LRRTM4: variants seen among roughly 807,000 people sequenced by gnomAD.
LRRTM4 encodes leucine rich repeat transmembrane neuronal 4, also known as leucine-rich repeat transmembrane neuronal protein 4.
A neutral mutation model predicts 47.6 loss-of-function variants in LRRTM4; 25 were observed. The ratio of observed to expected loss-of-function variants is 0.53; its 90% CI spans 0.38 to 0.73. LRRTM4 has a LOEUF of 0.73. Among genes scored for constraint, LRRTM4 ranks in the 30% least tolerant of loss-of-function variants. The probability of loss-of-function intolerance (pLI) is 0.00; values close to 1 mark genes in which losing one functional copy is unlikely to be tolerated. For missense variants in LRRTM4, 638 were observed against 713.4 expected, an observed-to-expected ratio of 0.89 and a Z score of 1.20; for synonymous variants, 311 against 269.5, an observed-to-expected ratio of 1.15 and a Z score of -1.51.
At chr2:77,280,422 G>A (rs1296853467) in intron 3 of LRRTM4, among the ~76,000 whole-genome samples, 1 of 152,022 alleles carries the variant, frequency 6.6e-6, no homozygotes, top group Non-Finnish European at 1.5e-5. Context: ...AATAGTTATA[G>A]AAAACAAATG....
At chr2:76,953,476 G>A (rs112135148) in intron 3 of LRRTM4, among the ~76,000 whole-genome samples, 12 of 151,746 alleles carry the variant, frequency 7.9e-5, no homozygotes, top group East Asian at 2.0e-4. Context: ...AAACACACGC[G>A]CACACACACA....
intron 3 of LRRTM4, among the ~76,000 whole-genome samples, chr2:77,015,625 A>G (rs965802847): frequency 1.3e-5 from 2 of 151,312 alleles, no homozygotes; most frequent in African/African-American, 2.4e-5. Flanking sequence ...TGCCCGGCGG[A>G]AGTTTTACTT....
chr2:76,794,381 A>G (rs1335327291), intron 3 of LRRTM4, among the ~76,000 whole-genome samples: 1 of 152,204 alleles, frequency 6.6e-6, no homozygotes, highest in Non-Finnish European at 1.5e-5. Context: ...TGGGTATACC[A>G]CTACAGTCCC....
intron 3 of LRRTM4, among the ~76,000 whole-genome samples, chr2:77,350,218 C>T (rs1298180240): frequency 1.3e-5 from 2 of 148,290 alleles, no homozygotes; most frequent in African/African-American, 4.9e-5. Context: ...CCCAGCTACT[C>T]GGGAGGCTGA....
chr2:77,273,236 A>G (rs1250112685), intron 3 of LRRTM4, among the ~76,000 whole-genome samples: 3 of 152,174 alleles, frequency 2.0e-5, no homozygotes, highest in Non-Finnish European at 4.4e-5. Flanking sequence ...TGTTAAATAG[A>G]TAATGCTATT....
intron 3 of LRRTM4, among the ~76,000 whole-genome samples, chr2:77,113,675 G>T (rs1399858400): frequency 6.6e-6 from 1 of 152,012 alleles, no homozygotes; most frequent in Non-Finnish European, 1.5e-5. Context: ...AAGTGCACTG[G>T]TGATTACTGG....
At chr2:77,367,350 A>G (rs1672500827) in intron 3 of LRRTM4, among the ~76,000 whole-genome samples, 2 of 151,514 alleles carry the variant, frequency 1.3e-5, no homozygotes, top group Non-Finnish European at 3.0e-5. Context: ...ATTTTTTTTC[A>G]TGATTACAAC....
At chr2:77,007,958 G>A (rs953317718) in intron 3 of LRRTM4, among the ~76,000 whole-genome samples, 9 of 152,112 alleles carry the variant, frequency 5.9e-5, no homozygotes, top group Non-Finnish European at 8.8e-5. Flanking sequence ...GTCATTCACT[G>A]AAAATGCACA....
intron 3 of LRRTM4, among the ~76,000 whole-genome samples, chr2:76,936,073 G>C (rs1485304836): frequency 2.0e-5 from 3 of 152,148 alleles, no homozygotes; most frequent in South Asian, 2.1e-4. Context: ...ATTTGACCCA[G>C]CAATCCCATA....
intron 3 of LRRTM4, among the ~76,000 whole-genome samples, chr2:77,506,355 A>G (rs1678772906): frequency 6.6e-6 from 1 of 151,854 alleles, no homozygotes; most frequent in African/African-American, 2.4e-5. Context: ...AATATTTAGT[A>G]TACACAGGAT....
At chr2:77,499,981 G>T (rs1283979905) in intron 3 of LRRTM4, among the ~76,000 whole-genome samples, 1 of 151,388 alleles carries the variant, frequency 6.6e-6, no homozygotes, top group Non-Finnish European at 1.5e-5. Flanking sequence ...CCCAACAGGA[G>T]ATACCAAAGA....
At chr2:76,919,295 C>A (rs2103803398) in intron 3 of LRRTM4, among the ~76,000 whole-genome samples, 1 of 152,280 alleles carries the variant, frequency 6.6e-6, no homozygotes, top group Non-Finnish European at 1.5e-5. Flanking sequence ...CCATAAACCG[C>A]ATTTTTAGTA....
chr2:76,825,994 C>T (rs920696279), intron 3 of LRRTM4, among the ~76,000 whole-genome samples: 2 of 151,708 alleles, frequency 1.3e-5, no homozygotes, highest in African/African-American at 2.4e-5. Flanking sequence ...TTTGCTAACA[C>T]GAAGTAACTG....
At chr2:77,041,144 G>T (rs190976372) in intron 3 of LRRTM4, among the ~76,000 whole-genome samples, 3 of 151,402 alleles carry the variant, frequency 2.0e-5, no homozygotes, top group African/African-American at 7.3e-5. Flanking sequence ...ATCAACTTTA[G>T]ATTCCACCTA....
chr2:77,259,272 A>G (rs1675854525), intron 3 of LRRTM4, among the ~76,000 whole-genome samples: 1 of 152,058 alleles, frequency 6.6e-6, no homozygotes, highest in African/African-American at 2.4e-5. Flanking sequence ...TCTCTCAAAA[A>G]CATCTTTTAA....
intron 3 of LRRTM4, among the ~76,000 whole-genome samples, chr2:77,049,889 C>A (rs977423990): frequency 5.9e-5 from 9 of 151,834 alleles, no homozygotes; most frequent in Admixed American, 4.6e-4. Flanking sequence ...TTTAGTGTTT[C>A]CTCTCTCTGT....
intron 3 of LRRTM4, among the ~76,000 whole-genome samples, chr2:76,900,170 A>C (rs1043743017): frequency 6.6e-6 from 1 of 152,030 alleles, no homozygotes; most frequent in East Asian, 1.9e-4. Flanking sequence ...GGAAGCACAG[A>C]TTGCAGTGAG....
At chr2:77,464,264 G>T (rs1676894855) in intron 3 of LRRTM4, among the ~76,000 whole-genome samples, 1 of 152,010 alleles carries the variant, frequency 6.6e-6, no homozygotes, top group African/African-American at 2.4e-5. Flanking sequence ...TGGAATGCAA[G>T]TTTAGGTTGA....
chr2:77,000,610 G>A (rs953994945), intron 3 of LRRTM4, among the ~76,000 whole-genome samples: 5 of 152,132 alleles, frequency 3.3e-5, no homozygotes, highest in African/African-American at 1.2e-4. Flanking sequence ...GAAGTGGAAG[G>A]TATCTCTTTA....
Sources: gnomAD v4.1 joint callset for allele counts (sites outside exome capture counted in the v4.1 genomes callset) on GRCh38, gnomAD v4.1.1 for gene constraint, MANE v1.5 for transcripts, NCBI Gene and HGNC (gene_info 2026-07-23, HGNC 2026-07-21) for gene names.